Variants in WWOX observed in about 807,000 individuals in gnomAD.
WWOX encodes WW domain-containing oxidoreductase.
WWOX carries 69 observed loss-of-function variants against 46.2 expected under a neutral mutation model. The ratio of observed to expected loss-of-function variants is 1.49; its 90% CI spans 1.23 to 1.82. The LOEUF (loss-of-function observed/expected upper bound fraction) is 1.82. Among genes scored for constraint, WWOX ranks in the 40% most tolerant of loss-of-function variants. The pLI is 0.00. For synonymous variants in WWOX, 359 were observed against 202.6 expected, an observed-to-expected ratio of 1.77 and a Z score of -6.56; for missense variants, 919 against 542.6, an observed-to-expected ratio of 1.69 and a Z score of -6.89.
rs933039918 is a variant in WWOX, at chr16:78,632,683, C to T, written c.1056+199931C>T. The stretch of plus-strand genomic sequence containing the variant: ...AAGGGATTCTCCTGCCTCAGCCTCT[C>T]GAATAGCTGGGATTACAGGTGTGCG... On this transcript the variant is annotated intron_variant, in intron 8 of 8. Coordinates refer to ENST00000566780, the MANE Select transcript of WWOX (RefSeq NM_016373.4). Among the ~76,000 whole-genome samples the T allele has an allele frequency of 4.0e-5, 6 of 150,878 alleles. No individual in the cohort carries two copies. The South Asian group carries it at 8.4e-4, about 21-fold the overall frequency.
At chr16:78,684,192 G>A in intron 8 of WWOX, among the ~76,000 whole-genome samples, 1 of 152,172 alleles carries the variant, frequency 6.6e-6, no homozygotes, top group Middle Eastern at 3.2e-3. Context: ...AAATCCACTG[G>A]CATGAGTCAT....
At chr16:79,209,203 G>A (rs1436070273) in intron 8 of WWOX, among the ~76,000 whole-genome samples, 2 of 152,200 alleles carry the variant, frequency 1.3e-5, no homozygotes, top group African/African-American at 4.8e-5. Context: ...GGCATGAAAT[G>A]AAGCCAGTTG....
At chr16:78,265,674 A>T (rs2079347092) in intron 5 of WWOX, among the ~76,000 whole-genome samples, 1 of 89,754 alleles carries the variant, frequency 1.1e-5, no homozygotes, top group Admixed American at 1.0e-4. Context: ...GCGAAACTCC[A>T]TGTCAAAAAA....
chr16:78,788,993 C>T (rs905188030), intron 8 of WWOX, among the ~76,000 whole-genome samples: 3 of 152,150 alleles, frequency 2.0e-5, no homozygotes, highest in African/African-American at 7.2e-5. Flanking sequence ...GATTTGCAAA[C>T]ATTTTCTCTC....
chr16:78,807,005 G>A (rs773359690), intron 8 of WWOX, among the ~76,000 whole-genome samples: 3 of 152,178 alleles, frequency 2.0e-5, no homozygotes, highest in Non-Finnish European at 4.4e-5. Context: ...TGAAATGGGG[G>A]ACACTAATGC....
intron 8 of WWOX, among the ~76,000 whole-genome samples, chr16:79,099,177 C>A (rs1044500483): frequency 6.6e-5 from 10 of 152,180 alleles, no homozygotes; most frequent in African/African-American, 2.2e-4. Context: ...ATGAGGATGG[C>A]ATGAAGCCCT....
chr16:78,926,308 G>C (rs961670945), intron 8 of WWOX, among the ~76,000 whole-genome samples: 2 of 151,568 alleles, frequency 1.3e-5, no homozygotes, highest in East Asian at 1.9e-4. Flanking sequence ...AGGAGGTGGA[G>C]ATTGCAGTGA....
intron 4 of WWOX, among the ~76,000 whole-genome samples, chr16:78,129,116 G>A (rs1341548376): frequency 3.9e-5 from 6 of 151,936 alleles, no homozygotes; most frequent in Non-Finnish European, 7.3e-5. Context: ...GGAGCTGTCA[G>A]CCTGTGTGCA....
intron 8 of WWOX, among the ~76,000 whole-genome samples, chr16:78,849,388 G>T (rs187593259): frequency 6.6e-6 from 1 of 151,008 alleles, no homozygotes; most frequent in African/African-American, 2.4e-5. Context: ...TGGCTAACAC[G>T]GTGAAACCCC....
At chr16:78,229,515 G>GATATAT (rs373164261) in intron 5 of WWOX, among the ~76,000 whole-genome samples, 12 of 80,444 alleles carry the variant, frequency 1.5e-4, no homozygotes, top group South Asian at 5.0e-4. Flanking sequence ...TCTATATAGA[G>GATATAT]ATATATATAT....
intron 5 of WWOX, among the ~76,000 whole-genome samples, chr16:78,181,115 G>C (rs1230240951): frequency 6.6e-6 from 1 of 152,154 alleles, no homozygotes; most frequent in African/African-American, 2.4e-5. Context: ...AGACACAGAG[G>C]AGAGACAGGC....
chr16:79,158,357 C>T (rs988104163), intron 8 of WWOX, among the ~76,000 whole-genome samples: 16 of 152,306 alleles, frequency 1.1e-4, no homozygotes, highest in African/African-American at 3.9e-4. Flanking sequence ...GGACAGGAGA[C>T]TGAAGGTAAG....
chr16:78,776,381 C>T (rs542603649), intron 8 of WWOX, among the ~76,000 whole-genome samples: 1 of 152,008 alleles, frequency 6.6e-6, no homozygotes, highest in South Asian at 2.1e-4. Context: ...GTGACACTTG[C>T]TTACTGTGTG....
chr16:78,637,011 G>A, intron 8 of WWOX, among the ~76,000 whole-genome samples: 1 of 152,328 alleles, frequency 6.6e-6, no homozygotes, highest in East Asian at 1.9e-4. Flanking sequence ...ATTTGAGACA[G>A]GTTGAGGGTT....
rs182001234 is a variant in WWOX, at chr16:78,523,605, A to G, written c.1056+90853A>G. On this transcript the variant is annotated intron_variant, in intron 8 of 8. Transcript: ENST00000566780. Reference sequence around the variant, plus strand: ...GGTGGGGGAAGAGTTATTCTTCCATATTTATTTTTCTCCACCTTGGGTGAA... The same window carrying G: ...GGTGGGGGAAGAGTTATTCTTCCATGTTTATTTTTCTCCACCTTGGGTGAA... Among the ~76,000 whole-genome samples the G allele has an allele frequency of 9.1e-4, 138 of 152,238 alleles. 2 individuals carry two copies. In the Middle Eastern group the frequency reaches 0.01, roughly 11 times the overall value.
At chr16:78,960,542 T>A (rs563559438) in intron 8 of WWOX, among the ~76,000 whole-genome samples, 1 of 152,198 alleles carries the variant, frequency 6.6e-6, no homozygotes, top group Admixed American at 6.5e-5. Context: ...GAAGGAAATA[T>A]CTCCACAAGA....
chr16:78,549,112 C>A (rs754395628), intron 8 of WWOX, among the ~76,000 whole-genome samples: 1 of 152,144 alleles, frequency 6.6e-6, no homozygotes, highest in Non-Finnish European at 1.5e-5. Flanking sequence ...TAGAGTGTCA[C>A]TGTGGTATTG....
At chr16:78,900,202 C>A (rs1337795894) in intron 8 of WWOX, among the ~76,000 whole-genome samples, 1 of 151,766 alleles carries the variant, frequency 6.6e-6, no homozygotes, top group African/African-American at 2.4e-5. Context: ...TTCATGCAGA[C>A]CTGTACATTT....
chr16:78,763,353 A>G (rs1463713003), intron 8 of WWOX, among the ~76,000 whole-genome samples: 1 of 152,244 alleles, frequency 6.6e-6, no homozygotes, highest in Non-Finnish European at 1.5e-5. Flanking sequence ...CATGTTTATT[A>G]CAGCATTTAC....
Sources: allele counts gnomAD v4.1 joint callset (sites outside exome capture counted in the v4.1 genomes callset), GRCh38; gene constraint gnomAD v4.1.1; transcripts MANE v1.5; gene names NCBI Gene and HGNC (gene_info 2026-07-23, HGNC 2026-07-21).